Variants in TSNARE1 observed in about 807,000 individuals in gnomAD.
The protein encoded by TSNARE1 is t-SNARE domain-containing protein 1.
TSNARE1 carries 49 observed loss-of-function variants against 62.0 expected under a neutral mutation model. That is an observed-to-expected ratio of 0.79 (90% CI 0.63 to 1.00). The LOEUF is 1.00. TSNARE1 is among the 50% of genes least tolerant of loss of function. TSNARE1 has a pLI of 0.00. For missense variants in TSNARE1, 755 were observed against 700.1 expected, an observed-to-expected ratio of 1.08 and a Z score of -0.88; for synonymous variants, 328 against 294.4, an observed-to-expected ratio of 1.11 and a Z score of -1.17.
At chr8:142,286,923 C>T (rs1822859473) in intron 10 of TSNARE1, among the ~76,000 whole-genome samples, 1 of 152,222 alleles carries the variant, frequency 6.6e-6, no homozygotes, top group South Asian at 2.1e-4. Context: ...AGAAGCATCT[C>T]CTCATGCGGC....
In TSNARE1 at chr8:142,284,446, C is replaced by T; in HGVS notation, c.1330G>A (p.Ala444Thr). The T allele has an allele frequency of 6.2e-7, 1 of 1,613,740 alleles. No individual in the cohort carries two copies. ...TCTCCTTGCTCTGACACCATGGAGG[C>T]CAAGTCCTTGATGATCTGATTCACA... The part of the protein sequence containing the change: ...LDVNQIIKDL[A>T]SMVSEQGEAV... The change falls in exon 11 of 14, where the codon GCC becomes ACC. Residue 444 changes from alanine (A) to threonine (T), a missense_variant. Transcript: ENST00000524325.
chr8:142,222,142 T>TCACTCACTCACTCATCCACTCATC (rs1563754601), intron 13 of TSNARE1, among the ~76,000 whole-genome samples: 9 of 140,596 alleles, frequency 6.4e-5, no homozygotes, highest in Non-Finnish European at 1.2e-4. Context: ...ATCCACTCAT[T>TCACTCACTCACTCATCCACTCATC]CACTCACTCA....
At position 142,293,124 on chromosome 8, in the gene TSNARE1, G is replaced by A. The variant is rs375663458; in HGVS notation, c.1290+7362C>T. On this transcript the variant is annotated intron_variant, in intron 10 of 13. Transcript: ENST00000524325. ...CCAAGAAAACGCAAACCCCTCCCTC[G>A]AGCAGCCGCACCGCAGGCCATCAGC... Among the ~76,000 whole-genome samples the A allele has an allele frequency of 1.1e-3, 173 of 152,188 alleles. 1 individual carries two copies. Among genetic ancestry groups the A allele is most frequent in the African/African-American group, 3.8e-3 (156 of 41,512 alleles).
chr8:142,284,195 T>A (rs1431450995), intron 11 of TSNARE1, among the ~76,000 whole-genome samples: 3 of 152,090 alleles, frequency 2.0e-5, no homozygotes, highest in African/African-American at 4.8e-5. Flanking sequence ...GGGACCAGTG[T>A]CAATGAGCGG....
intron 13 of TSNARE1, among the ~76,000 whole-genome samples, chr8:142,216,460 C>T (rs1815842350): frequency 6.6e-6 from 1 of 152,112 alleles, no homozygotes; most frequent in Non-Finnish European, 1.5e-5. Context: ...GCTCGGGGGC[C>T]CAAGAGGGGT....
chr8:142,330,090 G>T (rs1830794255), intron 6 of TSNARE1, among the ~76,000 whole-genome samples: 1 of 152,268 alleles, frequency 6.6e-6, no homozygotes, highest in South Asian at 2.1e-4. Context: ...CAACGTCCCA[G>T]TGCAGTGGCC....
rs1055829261 is a variant in TSNARE1, at chr8:142,291,678, G to A, written c.1291-7193C>T. On this transcript the variant is annotated intron_variant, in intron 10 of 13. Coordinates refer to ENST00000524325, the MANE Select transcript of TSNARE1 (RefSeq NM_145003.5). This position sits in a 1 kb window ranked among gnomAD's most constrained non-coding sequence, Gnocchi z 4.8. Reference sequence around the variant, plus strand: ...CTCCGCGGGCTTACGCTCGAGTGGCGAGAGATGAATCCTAACGAGAACCCA... The same window carrying A: ...CTCCGCGGGCTTACGCTCGAGTGGCAAGAGATGAATCCTAACGAGAACCCA... Among the ~76,000 whole-genome samples the A allele has an allele frequency of 7.2e-5, 11 of 151,924 alleles. No individual in the cohort carries two copies. Among genetic ancestry groups the A allele is most frequent in the Non-Finnish European group, 1.3e-4 (9 of 67,890 alleles).
intron 7 of TSNARE1, among the ~76,000 whole-genome samples, 173 bp from the exon 8 acceptor site, chr8:142,315,265 C>A (rs1330324703): frequency 1.3e-5 from 2 of 152,212 alleles, no homozygotes; most frequent in Non-Finnish European, 2.9e-5. Flanking sequence ...CACCCAGGGT[C>A]CCCAGGGACA....
At chr8:142,322,644 C>T (rs776234191) in intron 6 of TSNARE1, among the ~76,000 whole-genome samples, 10 of 152,322 alleles carry the variant, frequency 6.6e-5, no homozygotes, top group African/African-American at 2.4e-4. Context: ...GAGAGGAACA[C>T]AAATAAGAGA....
At chr8:142,289,144 C>A (rs1200316089) in intron 10 of TSNARE1, among the ~76,000 whole-genome samples, 1 of 152,206 alleles carries the variant, frequency 6.6e-6, no homozygotes, top group African/African-American at 2.4e-5. Flanking sequence ...CTCGGAGGCA[C>A]CCCCTGCCGA....
At chr8:142,234,158 G>A (rs558040816) in intron 12 of TSNARE1, among the ~76,000 whole-genome samples, 1 of 152,222 alleles carries the variant, frequency 6.6e-6, no homozygotes, top group Admixed American at 6.5e-5. Flanking sequence ...ATGGTGCCAT[G>A]ACCACCACCA....
intron 13 of TSNARE1, among the ~76,000 whole-genome samples, chr8:142,228,145 T>C (rs1816926742): frequency 6.6e-6 from 1 of 152,188 alleles, no homozygotes; most frequent in African/African-American, 2.4e-5. Flanking sequence ...ATGGCCAACA[T>C]CTACCTACAG....
At chr8:142,282,989 G>A (rs930005953) in intron 11 of TSNARE1, among the ~76,000 whole-genome samples, 1 of 150,310 alleles carries the variant, frequency 6.7e-6, no homozygotes, top group African/African-American at 2.5e-5. Context: ...GCAAAGGCGG[G>A]GTCAGTGTCT....
chr8:142,403,739 G>A (rs1174296608), upstream of TSNARE1: 1 of 152,180 alleles, frequency 6.6e-6, no homozygotes, highest in Admixed American at 6.5e-5. Flanking sequence ...ACATCTGAGG[G>A]ACCTTTGCCC....
In TSNARE1 at chr8:142,274,765, C is replaced by T. The variant is rs746298245; in HGVS notation, c.1446+16G>A. ...GGCCGGGCCGGCCGGGCACTGTGGC[C>T]CTCACACGGACTTACTTGGTGCCGG... On this transcript the variant is annotated intron_variant, in intron 12 of 13. Transcript: ENST00000524325. The T allele has an allele frequency of 1.6e-5, 24 of 1,534,848 alleles. 1 individual carries two copies. In the Admixed American group the frequency reaches 4.8e-4, roughly 31 times the overall value.
chr8:142,252,413 C>T (rs1818219573), intron 12 of TSNARE1, among the ~76,000 whole-genome samples: 1 of 152,208 alleles, frequency 6.6e-6, no homozygotes, highest in African/African-American at 2.4e-5. Context: ...GCCTCTCTTT[C>T]CCGCGTCTGT....
intron 12 of TSNARE1, among the ~76,000 whole-genome samples, chr8:142,259,969 C>G (rs1013020500): frequency 6.6e-6 from 1 of 152,014 alleles, no homozygotes; most frequent in South Asian, 2.1e-4. Flanking sequence ...CCCAAACTGG[C>G]CCCACCCTGC....
intron 12 of TSNARE1, among the ~76,000 whole-genome samples, chr8:142,240,147 A>T (rs1460926544): frequency 6.6e-6 from 1 of 152,352 alleles, no homozygotes; most frequent in South Asian, 2.1e-4. Context: ...AAAATGAAAA[A>T]TAACAGGAAA....
intron 1 of TSNARE1, among the ~76,000 whole-genome samples, chr8:142,399,618 C>T (rs1465745063): frequency 6.6e-6 from 1 of 152,148 alleles, no homozygotes; most frequent in Non-Finnish European, 1.5e-5. Flanking sequence ...ATGAGCTCTC[C>T]AACTCTCTCA....
Sources: allele counts gnomAD v4.1 joint callset (sites outside exome capture counted in the v4.1 genomes callset), GRCh38; gene constraint gnomAD v4.1.1; non-coding constraint Gnocchi (gnomAD v3.1); transcripts MANE v1.5; gene names NCBI Gene and HGNC (gene_info 2026-07-23, HGNC 2026-07-21).